Variants in APOB observed in about 807,000 individuals in gnomAD.
The protein encoded by APOB is apolipoprotein B-100.
APOB carries 153 observed loss-of-function variants against 314.1 expected under a neutral mutation model. That is an observed-to-expected ratio of 0.49 (90% confidence interval 0.43 to 0.56). The LOEUF (loss-of-function observed/expected upper bound fraction) is 0.56. Among genes scored for constraint, APOB ranks in the 20% least tolerant of loss-of-function variants. APOB has a pLI of 0.00. For missense variants in APOB, 5,430 were observed against 5,350.7 expected (o/e 1.01, Z -0.46); for synonymous variants, 2,087 against 2,036.4 (o/e 1.02, Z -0.67).
rs573231056 is a variant in APOB, at chr2:21,024,520, G to A, written c.2436+413C>T. Reference sequence around the variant, plus strand: ...CACAGTCCCAGCTACTTGGGAGGCTGAGGCAGGAGAATTGCTTGAACCCGG... The same window carrying A: ...CACAGTCCCAGCTACTTGGGAGGCTAAGGCAGGAGAATTGCTTGAACCCGG... On this transcript the variant is annotated intron_variant, in intron 16 of 28. Coordinates refer to ENST00000233242, the MANE Select transcript of APOB (RefSeq NM_000384.3). 10 of 316,424 alleles carry A rather than the reference G, an allele frequency of 3.2e-5. No individual in the cohort carries two copies. The South Asian group carries it at 4.9e-4, about 15-fold the overall frequency. The allele number at this position is 316,424 out of a possible 1,614,324, so 19.6% of individuals were successfully genotyped here. A position where few individuals can be genotyped will look rare whatever the true frequency, so the allele number is the denominator to read the frequency against.
chr2:21,001,459 G>A lies in APOB; in HGVS notation c.*271C>T. ...TACACAATAAAGACTCCATTTATTTGTTCCTCCTCCCCCAAGTTTAGCAAA... is the reference window on the plus strand; with the variant it reads ...TACACAATAAAGACTCCATTTATTTATTCCTCCTCCCCCAAGTTTAGCAAA... On this transcript the variant is annotated 3_prime_UTR_variant, in exon 29 of 29. Transcript: ENST00000233242. 2.3e-6 allele frequency: 1 copy of A among 428,242 alleles called. No homozygotes were observed. Among genetic ancestry groups the A allele is most frequent in the East Asian group, 4.6e-5 (1 of 21,796 alleles). 26.5% of individuals were successfully genotyped at this position (428,242 alleles called of 1,614,324 possible).
In APOB at chr2:21,001,779, A is replaced by G; in HGVS notation, c.13643T>C (p.Met4548Thr). The stretch of plus-strand genomic sequence containing the variant: ...TGGAGCAAGCTTCATGTAGGGGTTC[A>G]TGACTGTGGTTGATTGCAGCTTTTT... ...LLKKLQSTTVMNPYMKLAPGE... is the reference protein window; with the variant it reads ...LLKKLQSTTVTNPYMKLAPGE... The change falls in exon 29 of 29, where the codon ATG becomes ACG. Residue 4548 changes from methionine (M) to threonine (T), a missense_variant. Around this residue, in one of 3 missense-constraint regions of APOB, gnomAD observed 3,281 missense variants for 3,171.0 expected, o/e 1.03. Transcript: ENST00000233242. 2 of 1,614,046 alleles carry G rather than the reference A, an allele frequency of 1.2e-6. No homozygotes were observed. Among genetic ancestry groups the G allele is most frequent in the Non-Finnish European group, 8.5e-7 (1 of 1,179,948 alleles).
chr2:21,015,168 G>A lies in APOB; in HGVS notation c.3601C>T (p.Pro1201Ser). ...SNFPVDLSDY[P>S]KSLHMYANRL... ...TTAGCATACATATGCAAGCTCTTAGGATAATCGGAGAGATCCACAGGGAAA... is the reference window on the plus strand; with the variant it reads ...TTAGCATACATATGCAAGCTCTTAGAATAATCGGAGAGATCCACAGGGAAA... Residue 1201 changes from proline to serine, a missense_variant, in exon 23 of 29, where the codon CCT becomes TCT. Physicochemically the swap from Pro to Ser is moderately conservative, Grantham distance 74. Around this residue, in one of 3 missense-constraint regions of APOB, gnomAD observed 2,085 missense variants for 2,079.7 expected, o/e 1.00. Transcript: ENST00000233242. 1 of 1,614,188 alleles carries A rather than the reference G, an allele frequency of 6.2e-7. No homozygotes were observed.
chr2:21,028,176 T>C, intron 13 of APOB, 111 bp from the exon 14 acceptor site: 1 of 1,145,782 alleles, frequency 8.7e-7, no homozygotes, highest in East Asian at 2.3e-5. Flanking sequence ...CTTGATTTCA[T>C]TGACCCTAAG....
rs1037633271 is a variant in APOB at position 21,027,853 on chromosome 2, C to T, written c.2042G>A (p.Gly681Glu). Residue 681 changes from glycine to glutamate, a missense_variant, in exon 14 of 29, where the codon GGA becomes GAA. Transcript: ENST00000233242. Reference protein sequence around the residue: ...SMLKTTLTAFGFASADLIEIG... With the variant: ...SMLKTTLTAFEFASADLIEIG... ...CTCGATGAGGTCAGCTGAAGCAAAT[C>T]CAAAGGCAGTGAGGGTAGTTTTCAG... 1.2e-6 allele frequency: 2 copies of T among 1,613,864 alleles called. No individual in the cohort carries two copies. The highest frequency in any genetic ancestry group is 2.7e-5 in the African/African-American group (2 of 74,908).
intron 17 of APOB, 100 bp from the exon 18 acceptor site, chr2:21,023,142 G>T: frequency 9.4e-7 from 1 of 1,062,518 alleles, no homozygotes; most frequent in Non-Finnish European, 1.5e-6. Context: ...AGATTTCCTG[G>T]ATAACTCAGA....
At chr2:21,027,093 A>C (rs1038394589) in intron 14 of APOB, 129 bp from the exon 15 acceptor site, 1 of 819,802 alleles carries the variant, frequency 1.2e-6, no homozygotes, top group Non-Finnish European at 2.1e-6. Flanking sequence ...AGCTGACCTT[A>C]GCATTTCACA....
chr2:21,002,247 C>G lies in APOB; in HGVS notation c.13175G>C (p.Ser4392Thr). 6.2e-7 allele frequency: 1 copy of G among 1,613,974 alleles called. No homozygotes were observed. Among genetic ancestry groups the G allele is most frequent in the Non-Finnish European group, 8.5e-7 (1 of 1,179,952 alleles). The change falls in exon 29 of 29, where the codon AGT (serine) becomes ACT (threonine). Residue 4392 changes from serine to threonine, a missense_variant. Physicochemically the swap from Ser to Thr is moderately conservative, Grantham distance 58 (BLOSUM62 1). Transcript: ENST00000233242. The stretch of plus-strand genomic sequence containing the variant: ...ATATTTCACTGTCCAGCCAACTATA[C>G]TTGGATCAAAATATTCTTCACGAAG... ...MALREEYFDP[S>T]IVGWTVKYYE...
At chr2:21,030,913 C>A (rs984812425) in intron 10 of APOB, among the ~76,000 whole-genome samples, 1 of 152,084 alleles carries the variant, frequency 6.6e-6, no homozygotes, top group African/African-American at 2.4e-5. Flanking sequence ...TAACATCTTA[C>A]AAGAGTCAGG....
chr2:21,020,539 C>T (rs1448269953), intron 18 of APOB, among the ~76,000 whole-genome samples: 3 of 152,204 alleles, frequency 2.0e-5, no homozygotes, highest in Admixed American at 2.0e-4. Context: ...GTTTCATCTT[C>T]CTTGACCTCC....
rs1377335760 is a variant in APOB at position 21,008,546 on chromosome 2, A to T, written c.8322T>A (p.Asn2774Lys). ...AGGTGGTTCCATTCCCTATGTCAGC[A>T]TTTGCATCTAATGTGAAAAGAGGAG... ...IQSPLFTLDA[N>K]ADIGNGTTSA... Residue 2774 changes from asparagine to lysine, a missense_variant, in exon 26 of 29, where the codon AAT (asparagine) becomes AAA (lysine). Coordinates refer to ENST00000233242, the MANE Select transcript of APOB (RefSeq NM_000384.3). 6.2e-7 allele frequency: 1 copy of T among 1,613,988 alleles called. No individual in the cohort carries two copies. The highest frequency in any genetic ancestry group is 8.5e-7 in the Non-Finnish European group (1 of 1,179,998).
Position 21,004,290 on chromosome 2 carries a change from C to T in APOB, c.12066G>A (p.Trp4022Ter). Residue 4022 changes from tryptophan (W) to a stop codon, truncating the protein, a stop_gained, in exon 28 of 29, where the codon TGG becomes TGA. Coordinates refer to ENST00000233242, the MANE Select transcript of APOB (RefSeq NM_000384.3). LOFTEE classifies it low-confidence loss of function (END_TRUNC). ...TTACCTGAGGGCTGTAGTAGAAGTT[C>T]CATTTAGAAAAGTCGTCATCTTCAT... Reference protein sequence around the residue: ...DMDEDDDFSKWNFYYSPQSSP... With the variant: ...DMDEDDDFSK 1 of 1,613,938 alleles carries T rather than the reference C, an allele frequency of 6.2e-7. No individual in the cohort carries two copies. Among genetic ancestry groups the T allele is most frequent in the Non-Finnish European group, 8.5e-7 (1 of 1,179,882 alleles).
rs121918386 is a variant in APOB, at chr2:21,010,615, G to A, written c.6253C>T (p.Arg2085Ter). The change falls in exon 26 of 29, where the codon CGA becomes TGA. Residue 2085 changes from arginine (R) to a stop codon, truncating the protein, a stop_gained. Transcript: ENST00000233242. LOFTEE classifies it high-confidence loss of function. Reference protein sequence around the residue: ...ETLQEYFERNRQTIIVVLENV... With the variant: ...ETLQEYFERN Reference sequence around the variant, plus strand: ...TCCAGTACAACTATAATGGTTTGTCGATTCCTCTCAAAATATTCTTGCAAG... The same window carrying A: ...TCCAGTACAACTATAATGGTTTGTCAATTCCTCTCAAAATATTCTTGCAAG... The A allele has an allele frequency of 1.5e-5, 25 of 1,613,848 alleles. No individual in the cohort carries two copies. The highest frequency in any genetic ancestry group is 2.2e-5 in the East Asian group (1 of 44,898).
intron 16 of APOB, chr2:21,024,648 C>A: frequency 1.8e-6 from 1 of 541,454 alleles, no homozygotes; most frequent in Non-Finnish European, 3.3e-6. Context: ...ATAAAAGGAC[C>A]TTCAGCAAAG....
Position 21,010,634 on chromosome 2 carries a change from T to C in APOB, c.6234A>G (p.Gln2078=). ...TTTGTCGATTCCTCTCAAAATATTC[T>C]TGCAAGGTCTCAAAAAATGGGAGGT... ...SINLPFFETL[Q]EYFERNRQTI... is the part of the protein sequence containing the mutation. Residue 2078 remains glutamine, a synonymous_variant, in exon 26 of 29, where the codon CAA becomes CAG. Coordinates refer to ENST00000233242, the MANE Select transcript of APOB (RefSeq NM_000384.3). 1 of 1,614,144 alleles carries C rather than the reference T, an allele frequency of 6.2e-7. No homozygotes were observed. Among genetic ancestry groups the C allele is most frequent in the Non-Finnish European group, 8.5e-7 (1 of 1,179,996 alleles).
Position 21,009,846 on chromosome 2 carries a change from A to G in APOB, c.7022T>C (p.Val2341Ala), listed in dbSNP as rs141334635. ...TTCATACCTCTCGATTAACTCATGG[A>G]CTTTGGCTCTGAAGGCATTGATTTT... ...AEKINAFRAK[V>A]HELIERYEVD... Residue 2341 changes from valine to alanine, a missense_variant, in exon 26 of 29, where the codon GTC becomes GCC. This residue lies in a region of APOB where 3,281 missense variants were observed against 3,171.0 expected (regional missense o/e 1.03). Coordinates refer to ENST00000233242, the MANE Select transcript of APOB (RefSeq NM_000384.3). 1.9e-5 allele frequency: 30 copies of G among 1,613,914 alleles called. No individual in the cohort carries two copies. The African/African-American group carries it at 3.9e-4, about 21-fold the overall frequency.
rs1663432176 is a variant in APOB, at chr2:21,015,149, T to C, written c.3620A>G (p.Tyr1207Cys). The C allele has an allele frequency of 1.2e-6, 2 of 1,614,206 alleles. No homozygotes were observed. The highest frequency in any genetic ancestry group is 1.7e-6 in the Non-Finnish European group (2 of 1,180,034). Residue 1207 changes from tyrosine (Y) to cysteine (C), a missense_variant, in exon 23 of 29, where the codon TAT (tyrosine) becomes TGT (cysteine). Around this residue, in one of 3 missense-constraint regions of APOB, gnomAD observed 2,085 missense variants for 2,079.7 expected, o/e 1.00. Transcript: ENST00000233242. ...LSDYPKSLHM[Y>C]ANRLLDHRVP... is the part of the protein sequence containing the mutation. ...TCTGTGATCCAGGAGTCTATTAGCATACATATGCAAGCTCTTAGGATAATC... is the reference window on the plus strand; with the variant it reads ...TCTGTGATCCAGGAGTCTATTAGCACACATATGCAAGCTCTTAGGATAATC...
chr2:21,022,759 G>A lies in APOB; in HGVS notation c.2816+72C>T, dbSNP rs558233757. 5.0e-4 allele frequency: 728 copies of A among 1,460,802 alleles called. 5 individuals are homozygous for A. In the African/African-American group the frequency reaches 9.4e-3, roughly 19 times the overall value. The allele number at this position is 1,460,802 out of a possible 1,614,324, so 90.5% of individuals were successfully genotyped here. A position where few individuals can be genotyped will look rare whatever the true frequency, so the allele number is the denominator to read the frequency against. On this transcript the variant is annotated intron_variant, in intron 18 of 28. Transcript: ENST00000233242. ...ATGATCTCAATCAACTGTTTAGCCT[G>A]GCAAAATTCTGCAGGTACATTCTCT...
chr2:21,030,301 A>G (rs900490994), intron 10 of APOB, among the ~76,000 whole-genome samples: 7 of 152,200 alleles, frequency 4.6e-5, no homozygotes, highest in African/African-American at 1.7e-4. Flanking sequence ...AAAGTCACAT[A>G]CTTACAGTCA....
Sources: allele counts gnomAD v4.1 joint callset (sites outside exome capture counted in the v4.1 genomes callset), GRCh38; gene constraint gnomAD v4.1.1; regional missense constraint gnomAD v4.1.1; transcripts MANE v1.5; gene names NCBI Gene and HGNC (gene_info 2026-07-23, HGNC 2026-07-21).